ITFG1: variants seen among roughly 807,000 people sequenced by gnomAD.
ITFG1 encodes the protein T-cell immunomodulatory protein.
A neutral mutation model predicts 81.8 loss-of-function variants in ITFG1; 34 were observed. The observed-to-expected ratio is 0.42, with a 90% CI of 0.32 to 0.55. ITFG1 has a LOEUF of 0.55. Ranked by LOEUF, ITFG1 falls within the 20% of genes least tolerant of loss-of-function variation. ITFG1 has a pLI of 0.17. For synonymous variants in ITFG1, 285 were observed against 270.6 expected, an observed-to-expected ratio of 1.05 and a Z score of -0.52; for missense variants, 672 against 755.4, an observed-to-expected ratio of 0.89 and a Z score of 1.29.
intron 17 of ITFG1, 46 bp downstream of exon 17, chr16:47,158,827 C>G (rs1964755777): frequency 1.0e-6 from 1 of 984,970 alleles, no homozygotes; most frequent in Middle Eastern, 2.1e-4. Context: ...GTATGTATTA[C>G]TAGAATAAAT....
At chr16:47,239,918 C>A (rs1374935194) in intron 12 of ITFG1, among the ~76,000 whole-genome samples, 1 of 152,094 alleles carries the variant, frequency 6.6e-6, no homozygotes, top group Non-Finnish European at 1.5e-5. Context: ...GATGTTACCT[C>A]TGCATCATTC....
chr16:47,433,268 G>A (rs1328073319), intron 5 of ITFG1, among the ~76,000 whole-genome samples: 3 of 152,136 alleles, frequency 2.0e-5, no homozygotes, highest in Non-Finnish European at 4.4e-5. Flanking sequence ...GTTTTATTGG[G>A]CCCATATACT....
At chr16:47,337,729 T>C (rs1162256975) in intron 8 of ITFG1, among the ~76,000 whole-genome samples, 1 of 151,480 alleles carries the variant, frequency 6.6e-6, no homozygotes, top group Non-Finnish European at 1.5e-5. Context: ...TCGTGTATGG[T>C]GAGATGCAGT....
In ITFG1 at chr16:47,197,295, C is replaced by A. The variant is rs1032714650; in HGVS notation, c.1453+21573G>T. On this transcript the variant is annotated intron_variant, in intron 14 of 17. Coordinates refer to ENST00000320640, the MANE Select transcript of ITFG1 (RefSeq NM_030790.5). Reference sequence around the variant, plus strand: ...GAAACCTGCTACCTAGAGGTTTATCCACATAACAAGAACCTTGGCCTCCAC... The same window carrying A: ...GAAACCTGCTACCTAGAGGTTTATCAACATAACAAGAACCTTGGCCTCCAC... Among the ~76,000 whole-genome samples the A allele has an allele frequency of 8.3e-4, 127 of 152,098 alleles. 7 individuals are homozygous for A. The highest frequency in any genetic ancestry group is 4.4e-5 in the Non-Finnish European group (3 of 68,018).
intron 5 of ITFG1, among the ~76,000 whole-genome samples, chr16:47,442,254 T>C (rs1044425956): frequency 7.2e-5 from 11 of 152,074 alleles, no homozygotes; most frequent in Non-Finnish European, 1.6e-4. Flanking sequence ...GGCCATACTG[T>C]CCAATGTAAT....
At chr16:47,348,329 T>C (rs1303378589) in intron 8 of ITFG1, among the ~76,000 whole-genome samples, 7 of 152,200 alleles carry the variant, frequency 4.6e-5, no homozygotes, top group African/African-American at 1.7e-4. Flanking sequence ...ATTAGACAAA[T>C]GGCTAACTAG....
chr16:47,155,641 C>T lies in ITFG1; in HGVS notation c.*78G>A. 2.4e-6 allele frequency: 2 copies of T among 835,258 alleles called. No individual in the cohort carries two copies. Among genetic ancestry groups the T allele is most frequent in the Non-Finnish European group, 2.0e-6 (1 of 507,650 alleles). 51.7% of individuals were successfully genotyped at this position (835,258 alleles called of 1,614,324 possible). A position where few individuals can be genotyped will look rare whatever the true frequency, so the allele number is the denominator to read the frequency against. ...TCATTTATAAATAATATTTAATCTC[C>T]CCTATTTTTTCAAGCCAGAATTTGT... On this transcript the variant is annotated 3_prime_UTR_variant, in exon 18 of 18. Transcript: ENST00000320640.
At chr16:47,445,591 A>G (rs1375139032) in intron 5 of ITFG1, among the ~76,000 whole-genome samples, 1 of 152,180 alleles carries the variant, frequency 6.6e-6, no homozygotes, top group African/African-American at 2.4e-5. Flanking sequence ...GCTCTTTTGC[A>G]TTCAATTTTG....
At chr16:47,186,491 C>G (rs921133718) in intron 14 of ITFG1, among the ~76,000 whole-genome samples, 4 of 152,142 alleles carry the variant, frequency 2.6e-5, no homozygotes, top group African/African-American at 7.2e-5. Flanking sequence ...AGCATAGAAA[C>G]AGAACCAAAG....
chr16:47,343,663 C>T (rs1967813969), intron 8 of ITFG1, among the ~76,000 whole-genome samples: 1 of 152,104 alleles, frequency 6.6e-6, no homozygotes, highest in Non-Finnish European at 1.5e-5. Context: ...AACCACTTCA[C>T]ATCTACTAGG....
chr16:47,259,100 A>G (rs1966175398), intron 11 of ITFG1, among the ~76,000 whole-genome samples: 1 of 152,144 alleles, frequency 6.6e-6, no homozygotes, highest in Non-Finnish European at 1.5e-5. Context: ...CCACCACAGC[A>G]TTTTATCATT....
chr16:47,173,883 A>T lies in ITFG1; in HGVS notation c.1454-11219T>A, dbSNP rs536595520. On this transcript the variant is annotated intron_variant, in intron 14 of 17. Coordinates refer to ENST00000320640, the MANE Select transcript of ITFG1 (RefSeq NM_030790.5). The stretch of plus-strand genomic sequence containing the variant: ...TGGTGGAACGCCACCTCTACTAAAA[A>T]TACAAAATTAGCTGGGCATGGTGGC... Among the ~76,000 whole-genome samples the T allele has an allele frequency of 2.0e-5, 3 of 152,284 alleles. No homozygotes were observed. In the East Asian group the frequency reaches 5.8e-4, roughly 29 times the overall value.
At chr16:47,251,073 T>C (rs1314884439) in intron 12 of ITFG1, among the ~76,000 whole-genome samples, 1 of 152,232 alleles carries the variant, frequency 6.6e-6, no homozygotes, top group Non-Finnish European at 1.5e-5. Context: ...CTTTTTAGCA[T>C]AGAGGATGAA....
At chr16:47,442,761 T>A (rs1969270441) in intron 5 of ITFG1, among the ~76,000 whole-genome samples, 1 of 152,254 alleles carries the variant, frequency 6.6e-6, no homozygotes, top group African/African-American at 2.4e-5. Flanking sequence ...CAAGATGGAT[T>A]AAAGACTTAC....
chr16:47,445,247 GAAAAAA>G (rs907756228), intron 5 of ITFG1, among the ~76,000 whole-genome samples: 1 of 30,826 alleles, frequency 3.2e-5, no homozygotes, highest in Non-Finnish European at 6.8e-5. Flanking sequence ...CTCCGTCTCA[GAAAAAA>G]AAAAAAAAAA....
At chr16:47,412,537 G>A (rs2151603506) in intron 6 of ITFG1, among the ~76,000 whole-genome samples, 1 of 151,330 alleles carries the variant, frequency 6.6e-6, no homozygotes, top group East Asian at 1.9e-4. Context: ...TAAAAAAAAA[G>A]AAAAAAAATA....
At chr16:47,428,585 T>A (rs191439148) in intron 6 of ITFG1, among the ~76,000 whole-genome samples, 2 of 152,330 alleles carry the variant, frequency 1.3e-5, no homozygotes, top group Admixed American at 1.3e-4. Flanking sequence ...ATTCAAATTC[T>A]GAGGCAGTTA....
chr16:47,421,188 T>G (rs1242525127), intron 6 of ITFG1, among the ~76,000 whole-genome samples: 1 of 151,794 alleles, frequency 6.6e-6, no homozygotes, highest in African/African-American at 2.4e-5. Flanking sequence ...GTAGGTCATT[T>G]AAAAGAATCC....
At chr16:47,216,569 G>T (rs1965627316) in intron 14 of ITFG1, among the ~76,000 whole-genome samples, 1 of 152,114 alleles carries the variant, frequency 6.6e-6, no homozygotes, top group African/African-American at 2.4e-5. Flanking sequence ...AAAGTGGAAA[G>T]TGAATCTCTT....
Sources: allele counts gnomAD v4.1 joint callset (sites outside exome capture counted in the v4.1 genomes callset), GRCh38; gene constraint gnomAD v4.1.1; transcripts MANE v1.5; gene names NCBI Gene and HGNC (gene_info 2026-07-23, HGNC 2026-07-21).